Variants in SLC15A1 observed in about 807,000 individuals in gnomAD.
SLC15A1 encodes Caco-2 oligopeptide transporter.
SLC15A1 carries 83 observed loss-of-function variants against 92.9 expected under a neutral mutation model. The observed-to-expected ratio is 0.89, with a 90% CI of 0.75 to 1.07. The LOEUF (loss-of-function observed/expected upper bound fraction) is 1.07. Ranked by LOEUF, SLC15A1 falls within the 50% of genes least tolerant of loss-of-function variation. The pLI, the probability that SLC15A1 is intolerant of heterozygous loss-of-function variation, is 0.00. For missense variants in SLC15A1, 857 were observed against 880.1 expected (o/e 0.97, Z 0.33); for synonymous variants, 322 against 318.2 (o/e 1.01, Z -0.13).
chr13:98,686,280 C>T lies in SLC15A1; in HGVS notation c.1845G>A (p.Lys615=), dbSNP rs1185041743. 4 of 1,611,696 alleles carry T rather than the reference C, an allele frequency of 2.5e-6. No individual in the cohort carries two copies. Among genetic ancestry groups the T allele is most frequent in the Non-Finnish European group, 1.7e-6 (2 of 1,179,014 alleles). ...FSYSQAPSNM[K]SVLQAGWLLT... ...GCAGCCATCCTGCCTGAAGCACCGACTTCATGTTGGAAGGAGCCTGAGGAA... is the reference window on the plus strand; with the variant it reads ...GCAGCCATCCTGCCTGAAGCACCGATTTCATGTTGGAAGGAGCCTGAGGAA... Residue 615 remains lysine (K), a synonymous_variant, in exon 22 of 23, where the codon AAG becomes AAA. Transcript: ENST00000376503.
intron 17 of SLC15A1, among the ~76,000 whole-genome samples, chr13:98,703,127 G>A (rs1183272715): frequency 7.6e-6 from 1 of 131,648 alleles, no homozygotes. Flanking sequence ...AAAGTGAAAG[G>A]AAGAAAGAGA....
At position 98,721,755 on chromosome 13, in the gene SLC15A1, T is replaced by C. The variant is rs567716936; in HGVS notation, c.465+49A>G. 16 of 1,555,240 alleles carry C rather than the reference T, an allele frequency of 1.0e-5. No individual in the cohort carries two copies. The Admixed American group carries it at 1.2e-4, about 12-fold the overall frequency. On this transcript the variant is annotated intron_variant, in intron 6 of 22. Transcript: ENST00000376503. The stretch of plus-strand genomic sequence containing the variant: ...CTTTGTGCCCGTGGCCTCTGACTCC[T>C]GGATGTGTAGTTCATTCACGTGGGC...
chr13:98,691,239 G>A (rs1354746443), intron 18 of SLC15A1, among the ~76,000 whole-genome samples: 1 of 151,976 alleles, frequency 6.6e-6, no homozygotes, highest in East Asian at 1.9e-4. Context: ...GAGAGGGGAT[G>A]TGTTAGCCAG....
At position 98,750,806 on chromosome 13, in the gene SLC15A1, C is replaced by T. The variant is rs141817748; in HGVS notation, c.4+1789G>A. Reference sequence around the variant, plus strand: ...TTACTCTGTCGCGGAGGCTGGAGTGCGGTGGCACCACGTTGGCTCACTGCA... The same window carrying T: ...TTACTCTGTCGCGGAGGCTGGAGTGTGGTGGCACCACGTTGGCTCACTGCA... On this transcript the variant is annotated intron_variant, in intron 1 of 22. Transcript: ENST00000376503. 3.6e-3 allele frequency among the ~76,000 whole-genome samples: 541 copies of T among 150,446 alleles called. 2 individuals are homozygous for T. The highest frequency in any genetic ancestry group is 4.1e-3 in the Non-Finnish European group (278 of 67,766).
At chr13:98,742,788 A>AT (rs2088459500) in intron 1 of SLC15A1, among the ~76,000 whole-genome samples, 1 of 151,986 alleles carries the variant, frequency 6.6e-6, no homozygotes, top group Non-Finnish European at 1.5e-5. Context: ...TATTGTTGCT[A>AT]TTTTTGAGAT....
chr13:98,699,328 G>A (rs1345520359), intron 18 of SLC15A1, among the ~76,000 whole-genome samples: 1 of 152,146 alleles, frequency 6.6e-6, no homozygotes, highest in Non-Finnish European at 1.5e-5. Context: ...CCAATCACAG[G>A]TGTGAGAAAA....
intron 1 of SLC15A1, among the ~76,000 whole-genome samples, chr13:98,732,954 G>A (rs1006191132): frequency 6.6e-6 from 1 of 152,218 alleles, no homozygotes; most frequent in Non-Finnish European, 1.5e-5. Context: ...ATGTGATTAA[G>A]TTAGGGGCCT....
At chr13:98,701,570 G>A (rs1312875010) in intron 18 of SLC15A1, among the ~76,000 whole-genome samples, 5 of 151,776 alleles carry the variant, frequency 3.3e-5, no homozygotes, top group Non-Finnish European at 5.9e-5. Flanking sequence ...CAGGATCATG[G>A]CTCACTGCAG....
intron 18 of SLC15A1, among the ~76,000 whole-genome samples, chr13:98,694,138 T>A (rs2139565626): frequency 6.6e-6 from 1 of 152,308 alleles, no homozygotes; most frequent in East Asian, 1.9e-4. Context: ...AATATATAGA[T>A]GAAATCTTTT....
chr13:98,712,685 G>T, intron 9 of SLC15A1, 101 bp from the exon 10 acceptor site: 3 of 762,382 alleles, frequency 3.9e-6, no homozygotes, highest in Non-Finnish European at 4.4e-6. Context: ...ATATACGTGT[G>T]AGAAAAGCAA....
chr13:98,721,251 G>A (rs74900212), intron 7 of SLC15A1: 6 of 644,720 alleles, frequency 9.3e-6, no homozygotes, highest in Non-Finnish European at 1.5e-5. Flanking sequence ...TAGGAAGATG[G>A]ATGCCCATGC....
chr13:98,689,289 G>A (rs1373198167), intron 18 of SLC15A1, among the ~76,000 whole-genome samples: 1 of 152,088 alleles, frequency 6.6e-6, no homozygotes, highest in Non-Finnish European at 1.5e-5. Flanking sequence ...ATGCTGCCCA[G>A]TTCCTAAAAG....
intron 10 of SLC15A1, 121 bp downstream of exon 10, chr13:98,712,377 C>T: frequency 9.6e-6 from 7 of 728,354 alleles, no homozygotes; most frequent in Admixed American, 2.7e-5. Context: ...ATTTAATATG[C>T]TGTAAAGGTT....
At position 98,748,488 on chromosome 13, in the gene SLC15A1, T is replaced by A. The variant is rs186852616; in HGVS notation, c.4+4107A>T. 1.1e-3 allele frequency among the ~76,000 whole-genome samples: 165 copies of A among 151,778 alleles called. 1 individual carries two copies. Among genetic ancestry groups the A allele is most frequent in the African/African-American group, 3.6e-3 (151 of 41,372 alleles). On this transcript the variant is annotated intron_variant, in intron 1 of 22. Coordinates refer to ENST00000376503, the MANE Select transcript of SLC15A1 (RefSeq NM_005073.4). Reference sequence around the variant, plus strand: ...TTGTATTTTTTTTGTGGAGACGGGGTTTTGCCATGTTGCGCAGACTGATTT... The same window carrying A: ...TTGTATTTTTTTTGTGGAGACGGGGATTTGCCATGTTGCGCAGACTGATTT...
In SLC15A1 at chr13:98,690,758, G is replaced by A. The variant is rs1017948268; in HGVS notation, c.1467-2181C>T. On this transcript the variant is annotated intron_variant, in intron 18 of 22. Transcript: ENST00000376503. ...CACACACCCAGGCTGCATGGGTGTG[G>A]CCTTTGGCTCCGAGGCTACAAACCT... is the stretch of plus-strand genomic sequence containing the variant. 1.2e-4 allele frequency among the ~76,000 whole-genome samples: 18 copies of A among 152,098 alleles called. 1 individual carries two copies. Among genetic ancestry groups the A allele is most frequent in the African/African-American group, 4.3e-4 (18 of 41,424 alleles).
At chr13:98,726,491 C>T (rs757619376) in intron 2 of SLC15A1, 42 bp from the exon 3 acceptor site, 3 of 1,570,376 alleles carry the variant, frequency 1.9e-6, no homozygotes, top group Admixed American at 1.7e-5. Flanking sequence ...ATACACCCCC[C>T]ACTGGTCCAT....
chr13:98,725,379 T>C (rs1006622784), intron 4 of SLC15A1, among the ~76,000 whole-genome samples: 1 of 152,202 alleles, frequency 6.6e-6, no homozygotes, highest in African/African-American at 2.4e-5. Flanking sequence ...TCCCACTGGG[T>C]GTGCTCGTGG....
At chr13:98,750,901 G>C (rs59519363) in intron 1 of SLC15A1, among the ~76,000 whole-genome samples, 1 of 151,918 alleles carries the variant, frequency 6.6e-6, no homozygotes, top group African/African-American at 2.4e-5. Context: ...ACAGGCACCC[G>C]CCACTATGCC....
At chr13:98,690,410 G>A (rs1457160682) in intron 18 of SLC15A1, among the ~76,000 whole-genome samples, 1 of 152,172 alleles carries the variant, frequency 6.6e-6, no homozygotes, top group Non-Finnish European at 1.5e-5. Context: ...GCTCTAGACT[G>A]TAAGAGCTGC....
Sources: allele counts gnomAD v4.1 joint callset (sites outside exome capture counted in the v4.1 genomes callset), GRCh38; gene constraint gnomAD v4.1.1; transcripts MANE v1.5; gene names NCBI Gene and HGNC (gene_info 2026-07-23, HGNC 2026-07-21).